The following CFP variants were observed in gnomAD, a reference collection of about 807,000 sequenced individuals.
The protein encoded by CFP is properdin.
A neutral mutation model predicts 42.1 loss-of-function variants in CFP; 14 were observed. The observed-to-expected ratio is 0.33, with a 90% CI of 0.22 to 0.52. The LOEUF (loss-of-function observed/expected upper bound fraction) is 0.52. CFP is among the 20% of genes least tolerant of loss of function. The pLI is 0.96. For missense variants in CFP, 318 were observed against 400.4 expected (o/e 0.79, Z 1.76); for synonymous variants, 149 against 160.6 (o/e 0.93, Z 0.54).
intron 2 of CFP, 26 bp downstream of exon 2, chrX:47,629,498 A>AACC: frequency 1.1e-5 from 3 of 270,849 alleles, no homozygotes; most frequent in South Asian, 5.8e-5. Flanking sequence ...CCTCCCCCCC[A>AACC]TCCCCCACCC....
chrX:47,627,730 T>C, intron 3 of CFP, 89 bp from the exon 4 acceptor site: 1 of 918,821 alleles, frequency 1.1e-6, no homozygotes, highest in Non-Finnish European at 1.5e-6. Context: ...GAGCTAATCC[T>C]GTCCTTATAT....
chrX:47,630,073 C>T (rs918906423), upstream of CFP: 11 of 428,310 alleles, frequency 2.6e-5, no homozygotes, highest in South Asian at 1.0e-4. Context: ...CAGCACCTCG[C>T]GCTCCTCCCA....
intron 8 of CFP, chrX:47,625,676 A>G (rs983917142): frequency 3.8e-6 from 1 of 264,722 alleles, no homozygotes; most frequent in African/African-American, 2.8e-5. Context: ...TTGCTGAAAA[A>G]GCCTTGGAGT....
At chrX:47,629,498 A>AC in intron 2 of CFP, 26 bp downstream of exon 2, 6 of 270,821 alleles carry the variant, frequency 2.2e-5, no homozygotes, top group African/African-American at 4.2e-5. Context: ...CCTCCCCCCC[A>AC]TCCCCCACCC....
chrX:47,628,483 A>C, intron 2 of CFP: 1 of 486,934 alleles, frequency 2.1e-6, no homozygotes, highest in Non-Finnish European at 3.6e-6. Context: ...TACCTTCACA[A>C]TCAGGCATCT....
rs1410310061 is a variant in CFP, at chrX:47,627,568, G to T, written c.477C>A (p.Arg159=). Residue 159 remains arginine (R), a synonymous_variant, in exon 4 of 9, where the codon CGC becomes CGA. Transcript: ENST00000396992. Reference sequence around the variant, plus strand: ...GAGCAGGGTGATTACAGGCTCGCCTGCGGGTCCGGGTCCCTTTGGAGCAGG... The same window carrying T: ...GAGCAGGGTGATTACAGGCTCGCCTTCGGGTCCGGGTCCCTTTGGAGCAGG... ...SVTCSKGTRT[R]RRACNHPAPK... 2.3e-5 allele frequency: 28 copies of T among 1,203,778 alleles called. No homozygotes were observed. The highest frequency in any genetic ancestry group is 3.0e-5 in the Non-Finnish European group (27 of 892,075).
upstream of CFP, chrX:47,630,002 T>C (rs2057985035): frequency 3.5e-5 from 18 of 512,178 alleles, 1 homozygote; most frequent in South Asian, 4.9e-4. Flanking sequence ...CCTCCTTCTC[T>C]ACTCTCCCCT....
chrX:47,626,849 C>T lies in CFP; in HGVS notation c.864G>A (p.Val288=), dbSNP rs746857415. Residue 288 remains valine, a synonymous_variant, in exon 6 of 9, where the codon GTG becomes GTA. Coordinates refer to ENST00000396992, the MANE Select transcript of CFP (RefSeq NM_001145252.3). ...CACAGAAGGGGCCCCCATGCTGGGG[C>T]ACAGGGTGATTGCACGTCCGTTGTT... ...TMEQRTCNHP[V]PQHGGPFCAG... 5.0e-6 allele frequency: 6 copies of T among 1,209,266 alleles called. No individual in the cohort carries two copies. The East Asian group carries it at 8.9e-5, about 18-fold the overall frequency.
chrX:47,629,498 A>AACCCCCCCCCCCGCACCCCCAAACCCC, intron 2 of CFP, 26 bp downstream of exon 2: 1 of 270,868 alleles, frequency 3.7e-6, no homozygotes, highest in Non-Finnish European at 6.3e-6. Context: ...CCTCCCCCCC[A>AACCCCCCCCCCCGCACCCCCAAACCCC]TCCCCCACCC....
chrX:47,626,059 G>T lies in CFP; in HGVS notation c.1243C>A (p.Pro415Thr). 8.5e-7 allele frequency: 1 copy of T among 1,171,793 alleles called. No individual in the cohort carries two copies. The highest frequency in any genetic ancestry group is 1.1e-6 in the Non-Finnish European group (1 of 873,644). The change falls in exon 8 of 9, where the codon CCG (proline) becomes ACG (threonine). Residue 415 changes from proline (P) to threonine (T), a missense_variant and splice_region_variant. Coordinates refer to ENST00000396992, the MANE Select transcript of CFP (RefSeq NM_001145252.3). ...RLCTPLLPKY[P>T]PTVSMVEGQG... ...GGCATACTTTGCCCTCTCACTCACG[G>T]GTACTTGGGGAGCAAGGGTGTGCAG...
intron 2 of CFP, chrX:47,628,718 A>G (rs190406601): frequency 3.8e-6 from 1 of 263,021 alleles, no homozygotes; most frequent in Admixed American, 4.9e-5. Flanking sequence ...AGCCCTAGGT[A>G]TGCTGTTCAT....
intron 8 of CFP, 99 bp from the exon 9 acceptor site, chrX:47,624,539 CTT>C (rs11385461): frequency 0.023 from 6,810 of 291,332 alleles, no homozygotes; most frequent in East Asian, 0.043. Context: ...CCGAGGGCTA[CTT>C]TTTTTTTTTT....
intron 8 of CFP, 64 bp from the exon 9 acceptor site, chrX:47,624,504 A>C: frequency 4.1e-6 from 4 of 968,817 alleles, no homozygotes; most frequent in Non-Finnish European, 5.7e-6. Context: ...AATGCATTCA[A>C]TTCTTATTGA....
intron 3 of CFP, 47 bp downstream of exon 3, chrX:47,628,055 G>A: frequency 8.4e-7 from 1 of 1,194,082 alleles, no homozygotes; most frequent in Non-Finnish European, 1.1e-6. Context: ...GTTCCCACCA[G>A]TGCTGGGTGA....
chrX:47,629,955 G>A (rs1473074082), upstream of CFP: 1 of 827,166 alleles, frequency 1.2e-6, no homozygotes, highest in Non-Finnish European at 1.8e-6. Flanking sequence ...GAGGAACTGG[G>A]AGGGCATCCT....
Position 47,627,253 on chromosome X carries a change from C to A in CFP, c.654G>T (p.Glu218Asp). The stretch of plus-strand genomic sequence containing the variant: ...GTGCAGAACACTTGCGGCTTCGTGT[C>A]TCCTTAGGTTCGTGGGGTCCACCGT... The part of the protein sequence containing the change: ...SCHGGPHEPK[E>D]TRSRKCSAPE... Residue 218 changes from glutamate to aspartate, a missense_variant, in exon 5 of 9, where the codon GAG becomes GAT. Coordinates refer to ENST00000396992, the MANE Select transcript of CFP (RefSeq NM_001145252.3). 1 of 1,210,911 alleles carries A rather than the reference C, an allele frequency of 8.3e-7. No homozygotes were observed.
upstream of CFP, chrX:47,629,982 G>A: frequency 1.7e-6 from 1 of 597,895 alleles, no homozygotes; most frequent in Non-Finnish European, 2.7e-6. Context: ...ACCCCACCCT[G>A]TCCCCTCTGC....
rs1438325668 is a variant in CFP, at chrX:47,629,817, G to C, written c.28C>G (p.Arg10Gly). The C allele has an allele frequency of 2.6e-6, 3 of 1,167,914 alleles. No homozygotes were observed. Among genetic ancestry groups the C allele is most frequent in the Non-Finnish European group, 3.4e-6 (3 of 873,230 alleles). Residue 10 changes from arginine to glycine, a missense_variant, in exon 1 of 9, where the codon CGA becomes GGA. Physicochemically the swap from Arg to Gly is moderately radical, Grantham distance 125. Transcript: ENST00000396992. ...AGGAGCAGCGGCGGCAGCAACAATC[G>C]AGGGGCCTGCGCTCCCTCTGTGATC... MITEGAQAP[R>G]LLLPPLLLLL...
chrX:47,628,827 A>G (rs1277401779), intron 2 of CFP: 1 of 206,745 alleles, frequency 4.8e-6, no homozygotes, highest in African/African-American at 2.9e-5. Flanking sequence ...TGGGATATAT[A>G]GTAAACAAGT....
Sources: gnomAD v4.1 joint callset for allele counts on GRCh38, gnomAD v4.1.1 for gene constraint, MANE v1.5 for transcripts, NCBI Gene and HGNC (gene_info 2026-07-23, HGNC 2026-07-21) for gene names.